TIAM2: variants seen among roughly 807,000 people sequenced by gnomAD.
TIAM2 encodes the protein TIAM Rac1 associated GEF 2.
A neutral mutation model predicts 152.9 loss-of-function variants in TIAM2; 80 were observed. The observed-to-expected ratio is 0.52, with a 90% confidence interval of 0.44 to 0.63. The LOEUF is 0.63. Among genes scored for constraint, TIAM2 ranks in the 30% least tolerant of loss-of-function variants. The pLI, the probability that TIAM2 is intolerant of heterozygous loss-of-function variation, is 0.00. For synonymous variants in TIAM2, 804 were observed against 838.0 expected (o/e 0.96, Z 0.70); for missense variants, 1,965 against 2,120.1 (o/e 0.93, Z 1.44).
At chr6:155,236,124 G>C (rs1220452739) in intron 15 of TIAM2, among the ~76,000 whole-genome samples, 1 of 151,956 alleles carries the variant, frequency 6.6e-6, no homozygotes, top group Admixed American at 6.6e-5. Context: ...TTATCATCGT[G>C]AACATTTTAG....
rs77370506 is a variant in TIAM2, at chr6:155,235,789, T to C, written c.3169-4741T>C. On this transcript the variant is annotated intron_variant, in intron 15 of 26. Coordinates refer to ENST00000682666, the MANE Select transcript of TIAM2 (RefSeq NM_012454.4). ...CAGCTAACATTCACTTTTTGGGAGT[T>C]AATCTTACCAGAAAAGTTCATAAAG... 3.2e-3 allele frequency among the ~76,000 whole-genome samples: 492 copies of C among 152,346 alleles called. 5 individuals carry two copies. Among genetic ancestry groups the C allele is most frequent in the African/African-American group, 0.011 (469 of 41,576 alleles).
In TIAM2 at chr6:155,257,058, G is replaced by C. The variant is rs1456305862; in HGVS notation, c.5043G>C (p.Gln1681His). 1.9e-6 allele frequency: 3 copies of C among 1,614,054 alleles called. No individual in the cohort carries two copies. Among genetic ancestry groups the C allele is most frequent in the African/African-American group, 1.3e-5 (1 of 74,910 alleles). Residue 1681 changes from glutamine to histidine, a missense_variant, in exon 27 of 27, where the codon CAG (glutamine) becomes CAC (histidine). Transcript: ENST00000682666. ...TTCTAGAGCGAGAATTCAGTGTCCA[G>C]AGTTTAACATCTGTTGTCAGTGAGG... is the stretch of plus-strand genomic sequence containing the variant. ...NSVLEREFSV[Q>H]SLTSVVSEEC...
intron 1 of TIAM2, among the ~76,000 whole-genome samples, chr6:155,006,204 A>G (rs1187374103): frequency 6.6e-6 from 1 of 152,168 alleles, no homozygotes; most frequent in Non-Finnish European, 1.5e-5. Context: ...AGTGCCTACC[A>G]AGTCCCTGAC....
intron 1 of TIAM2, among the ~76,000 whole-genome samples, chr6:155,016,766 G>A (rs1778595972): frequency 7.3e-6 from 1 of 136,336 alleles, no homozygotes; most frequent in South Asian, 2.2e-4. Flanking sequence ...CAGGTGTGGT[G>A]ATGTGTGCCT....
intron 2 of TIAM2, among the ~76,000 whole-genome samples, chr6:155,123,782 T>A (rs1415119983): frequency 6.6e-6 from 1 of 152,084 alleles, no homozygotes; most frequent in East Asian, 1.9e-4. Flanking sequence ...AGAGAGGTGG[T>A]TGAGGAGTGA....
intron 2 of TIAM2, among the ~76,000 whole-genome samples, chr6:155,108,988 T>C (rs1160453264): frequency 2.6e-5 from 4 of 152,114 alleles, no homozygotes; most frequent in Non-Finnish European, 2.9e-5. Context: ...TTTTTCTTTT[T>C]TGTTTTTTGT....
rs59818801 is a variant in TIAM2, at chr6:155,187,573, C to CTTTTTTTTTTTTT, written c.3064+4084_3064+4096dup. 1.4e-3 allele frequency among the ~76,000 whole-genome samples: 70 copies of CTTTTTTTTTTTTT among 49,622 alleles called. 4 individuals are homozygous for CTTTTTTTTTTTTT. Among genetic ancestry groups the CTTTTTTTTTTTTT allele is most frequent in the African/African-American group, 5.0e-3 (63 of 12,664 alleles). The allele number at this position is 49,622 out of a possible 152,430, so 32.6% of individuals were successfully genotyped here. On this transcript the variant is annotated intron_variant, in intron 14 of 26. Transcript: ENST00000682666. ...AACCCCCCCTCCCCCACCCCGCCCC[C>CTTTTTTTTTTTTT]TTTTTTTTTTTTTTTTTTTTTTTGA...
At chr6:155,178,033 C>T (rs1182001040) in intron 10 of TIAM2, among the ~76,000 whole-genome samples, 2 of 151,774 alleles carry the variant, frequency 1.3e-5, no homozygotes, top group Admixed American at 6.6e-5. Context: ...TGGTGGCGGG[C>T]GCCTGTAGTC....
chr6:155,232,268 G>A (rs1411650036), intron 15 of TIAM2, among the ~76,000 whole-genome samples: 1 of 148,860 alleles, frequency 6.7e-6, no homozygotes, highest in Non-Finnish European at 1.5e-5. Flanking sequence ...AATTTTTAGT[G>A]TTTTTTTTTT....
chr6:155,212,172 G>A (rs1377103089), intron 15 of TIAM2, among the ~76,000 whole-genome samples: 1 of 152,204 alleles, frequency 6.6e-6, no homozygotes, highest in African/African-American at 2.4e-5. Context: ...GTGAATGTTG[G>A]TGTAAGAGTT....
chr6:155,130,073 G>C lies in TIAM2; in HGVS notation c.850G>C (p.Gly284Arg). 6.2e-7 allele frequency: 1 copy of C among 1,614,056 alleles called. No homozygotes were observed. The highest frequency in any genetic ancestry group is 8.5e-7 in the Non-Finnish European group (1 of 1,180,034). Residue 284 changes from glycine to arginine, a missense_variant, in exon 4 of 27, where the codon GGC becomes CGC. By Grantham distance (125) the Gly-to-Arg change is moderately radical. Transcript: ENST00000682666. Reference sequence around the variant, plus strand: ...CAGTCTCCATGCCAGCTTCCCACCTGGCGATGCCAAAAAGCCTTTCAACCA... The same window carrying C: ...CAGTCTCCATGCCAGCTTCCCACCTCGCGATGCCAAAAAGCCTTTCAACCA... ...DPSLHASFPP[G>R]DAKKPFNQSS...
At chr6:155,123,789 G>A (rs1054799956) in intron 2 of TIAM2, among the ~76,000 whole-genome samples, 3 of 152,160 alleles carry the variant, frequency 2.0e-5, no homozygotes, top group Non-Finnish European at 4.4e-5. Flanking sequence ...TGGTTGAGGA[G>A]TGAGCGGCCG....
At chr6:155,118,762 A>ATCC (rs1468932102) in intron 2 of TIAM2, among the ~76,000 whole-genome samples, 4 of 151,310 alleles carry the variant, frequency 2.6e-5, no homozygotes, top group African/African-American at 9.7e-5. Flanking sequence ...ATCTAATGGA[A>ATCC]TCCTACTCAT....
intron 21 of TIAM2, chr6:155,250,656 C>A: frequency 6.6e-7 from 1 of 1,526,380 alleles, no homozygotes; most frequent in South Asian, 1.2e-5. Context: ...CTGAGTTGGT[C>A]ACAAGGCATG....
chr6:155,040,601 C>A (rs567093500), intron 1 of TIAM2, among the ~76,000 whole-genome samples: 1 of 152,276 alleles, frequency 6.6e-6, no homozygotes, highest in African/African-American at 2.4e-5. Flanking sequence ...TCACTGCAAC[C>A]TCTGCCTCCC....
intron 1 of TIAM2, among the ~76,000 whole-genome samples, chr6:155,068,193 C>G (rs1298985540): frequency 2.6e-5 from 4 of 152,186 alleles, no homozygotes; most frequent in Non-Finnish European, 5.9e-5. Flanking sequence ...GGCCCCTCTC[C>G]CTTCACATTT....
chr6:155,238,634 C>A (rs536297830), intron 15 of TIAM2, among the ~76,000 whole-genome samples: 166 of 152,372 alleles, frequency 1.1e-3, no homozygotes, highest in African/African-American at 3.9e-3. Context: ...TTGGAGCAGG[C>A]TCCCTCCAGG....
intron 1 of TIAM2, among the ~76,000 whole-genome samples, chr6:155,002,315 A>G (rs1778326934): frequency 6.6e-6 from 1 of 152,122 alleles, no homozygotes; most frequent in South Asian, 2.1e-4. Flanking sequence ...GGAGGCTGAG[A>G]TGGGAGGATT....
At chr6:155,012,266 G>A (rs1263100447) in intron 1 of TIAM2, among the ~76,000 whole-genome samples, 1 of 152,048 alleles carries the variant, frequency 6.6e-6, no homozygotes, top group Admixed American at 6.6e-5. Flanking sequence ...TTCTTATCCT[G>A]TTCTTTACTA....
Sources: gnomAD v4.1 joint callset for allele counts (sites outside exome capture counted in the v4.1 genomes callset) on GRCh38, gnomAD v4.1.1 for gene constraint, MANE v1.5 for transcripts, NCBI Gene and HGNC (gene_info 2026-07-23, HGNC 2026-07-21) for gene names.